The following DAB1 variants were observed in gnomAD, a reference collection of about 807,000 sequenced individuals.
DAB1 encodes the protein DAB adaptor protein 1.
In DAB1, 15 loss-of-function variants were observed where a neutral mutation model predicts 64.6. The ratio of observed to expected loss-of-function variants is 0.23; its 90% CI spans 0.16 to 0.36. The LOEUF (loss-of-function observed/expected upper bound fraction) is 0.36. Among genes scored for constraint, DAB1 ranks in the 10% least tolerant of loss-of-function variants. DAB1 has a pLI of 1.00. For synonymous variants in DAB1, 235 were observed against 251.9 expected, an observed-to-expected ratio of 0.93 and a Z score of 0.64; for missense variants, 596 against 706.7, an observed-to-expected ratio of 0.84 and a Z score of 1.78.
At chr1:58,246,552 A>G (rs1660541802) in intron 4 of DAB1, among the ~76,000 whole-genome samples, 1 of 152,210 alleles carries the variant, frequency 6.6e-6, no homozygotes, top group East Asian at 1.9e-4. Flanking sequence ...TATGTATTTC[A>G]TATGTGGTAT....
intron 3 of DAB1, among the ~76,000 whole-genome samples, chr1:58,368,228 T>C (rs932859698): frequency 6.6e-6 from 1 of 152,150 alleles, no homozygotes; most frequent in East Asian, 1.9e-4. Context: ...AGCTACATAT[T>C]AGGGGCTGGA....
chr1:58,056,442 C>A (rs760312532), intron 5 of DAB1: 1 of 1,529,734 alleles, frequency 6.5e-7, no homozygotes, highest in East Asian at 2.2e-5. Context: ...GGCCGCGGCC[C>A]TTTTTGGCAC....
intron 14 of DAB1, among the ~76,000 whole-genome samples, chr1:57,003,184 C>T (rs931297610): frequency 5.9e-5 from 9 of 152,216 alleles, no homozygotes; most frequent in African/African-American, 2.2e-4. Flanking sequence ...CTGCAGGGCC[C>T]TGTGGATAAC....
In DAB1 at chr1:58,366,768, A is replaced by G. The variant is rs1237968298; in HGVS notation, n.258-23365T>C. Among the ~76,000 whole-genome samples the G allele has an allele frequency of 2.0e-5, 3 of 152,206 alleles. No individual in the cohort carries two copies. In the East Asian group the frequency reaches 5.8e-4, roughly 29 times the overall value. On this transcript the variant is annotated intron_variant and non_coding_transcript_variant, in intron 3 of 20. Transcript: ENST00000485760. ...TCCTTTGCACTTCTTGTGTCCAGGG[A>G]CCAGCAGGCAAGACGTGGAGTCACT... is the stretch of plus-strand genomic sequence containing the variant.
chr1:58,424,385 G>A (rs1481777077), intron 3 of DAB1, among the ~76,000 whole-genome samples: 4 of 152,076 alleles, frequency 2.6e-5, no homozygotes, highest in African/African-American at 9.7e-5. Context: ...AACACAACCA[G>A]TTATCTGGGC....
intron 5 of DAB1, among the ~76,000 whole-genome samples, chr1:57,928,326 A>G (rs1301683117): frequency 2.0e-5 from 3 of 152,032 alleles, no homozygotes; most frequent in African/African-American, 7.2e-5. Flanking sequence ...TCACAATAAA[A>G]TTCAGAGGAA....
chr1:58,269,052 T>C (rs982242867), intron 4 of DAB1, among the ~76,000 whole-genome samples: 9 of 151,792 alleles, frequency 5.9e-5, no homozygotes, highest in Admixed American at 2.6e-4. Flanking sequence ...TTAGGGTACA[T>C]GTGCACATTG....
chr1:58,116,057 T>C (rs1347564649), intron 5 of DAB1, among the ~76,000 whole-genome samples: 3 of 151,926 alleles, frequency 2.0e-5, no homozygotes, highest in Non-Finnish European at 2.9e-5. Flanking sequence ...AATAAATAAA[T>C]TACTCAGTTT....
chr1:58,379,967 T>C (rs1047276197), intron 3 of DAB1, among the ~76,000 whole-genome samples: 5 of 152,154 alleles, frequency 3.3e-5, no homozygotes, highest in Non-Finnish European at 7.4e-5. Context: ...TATGTACCTA[T>C]GTTTGGTCTA....
chr1:58,522,854 T>C (rs892082440), intron 2 of DAB1, among the ~76,000 whole-genome samples: 2 of 152,202 alleles, frequency 1.3e-5, no homozygotes, highest in African/African-American at 4.8e-5. Flanking sequence ...TGGATCATCA[T>C]AAATGTCTCC....
At chr1:57,295,268 G>A (rs1673099578) in intron 1 of DAB1, among the ~76,000 whole-genome samples, 1 of 152,132 alleles carries the variant, frequency 6.6e-6, no homozygotes, top group Admixed American at 6.6e-5. Context: ...CCTGATATGA[G>A]CCTTGTGTGA....
In DAB1 at chr1:58,465,829, G is replaced by A. The variant is rs1645290919; in HGVS notation, n.257+40231C>T. The stretch of plus-strand genomic sequence containing the variant: ...CACTTACCCACGAGGAAACTGGGGG[G>A]TTCAGTGCCTTGCCTGCAGTACCCA... On this transcript the variant is annotated intron_variant and non_coding_transcript_variant, in intron 3 of 20. Coordinates refer to the DAB1 transcript ENST00000485760. Among the ~76,000 whole-genome samples the A allele has an allele frequency of 2.6e-5, 4 of 152,192 alleles. No homozygotes were observed. In the South Asian group the frequency reaches 8.3e-4, roughly 31 times the overall value.
intron 5 of DAB1, among the ~76,000 whole-genome samples, chr1:57,951,258 G>T (rs12752396): frequency 0.36 from 49,143 of 135,712 alleles, 10,549 homozygotes; most frequent in Non-Finnish European, 0.47. Context: ...ATTGGGGGGT[G>T]AGGGGGGTAG....
In DAB1 at chr1:58,048,172, T is replaced by C. The variant is rs553903456; in HGVS notation, n.387+102339A>G. ...TTCTCTCCTGCTAAGCTTTGTTTCCTAATTAAAATCTTCTGCCACTGCCAC... is the reference window on the plus strand; with the variant it reads ...TTCTCTCCTGCTAAGCTTTGTTTCCCAATTAAAATCTTCTGCCACTGCCAC... On this transcript the variant is annotated intron_variant and non_coding_transcript_variant, in intron 5 of 20. Coordinates refer to the DAB1 transcript ENST00000485760. The C allele has an allele frequency of 3.5e-4, 451 of 1,305,850 alleles. 1 individual carries two copies. Among genetic ancestry groups the C allele is most frequent in the Non-Finnish European group, 4.2e-4 (384 of 915,230 alleles). The allele number at this position is 1,305,850 out of a possible 1,614,324, so 80.9% of individuals were successfully genotyped here. A position where few individuals can be genotyped will look rare whatever the true frequency, so the allele number is the denominator to read the frequency against.
intron 4 of DAB1, among the ~76,000 whole-genome samples, chr1:58,218,141 C>T (rs1292140557): frequency 6.6e-6 from 1 of 151,998 alleles, no homozygotes; most frequent in Non-Finnish European, 1.5e-5. Context: ...GGTCTCCAGT[C>T]CAGTAGGGGG....
At chr1:58,014,209 T>C (rs958065060) in intron 5 of DAB1, among the ~76,000 whole-genome samples, 25 of 152,314 alleles carry the variant, frequency 1.6e-4, no homozygotes, top group African/African-American at 6.0e-4. Flanking sequence ...TCTGACTCAA[T>C]GTTCATATTA....
At chr1:57,357,928 A>C (rs1679251550) in intron 1 of DAB1, among the ~76,000 whole-genome samples, 2 of 152,024 alleles carry the variant, frequency 1.3e-5, no homozygotes, top group South Asian at 4.1e-4. Context: ...ATTCAAGATA[A>C]GATTTGGGTG....
intron 4 of DAB1, among the ~76,000 whole-genome samples, chr1:58,192,082 C>T (rs1657417441): frequency 6.6e-6 from 1 of 152,100 alleles, no homozygotes; most frequent in African/African-American, 2.4e-5. Flanking sequence ...GCTAGGAAGC[C>T]AAGGAGCTAA....
chr1:57,332,559 C>T (rs1043669022), intron 1 of DAB1, among the ~76,000 whole-genome samples: 1 of 152,188 alleles, frequency 6.6e-6, no homozygotes, highest in Non-Finnish European at 1.5e-5. Flanking sequence ...TCAGAAACCC[C>T]AAGGTTCAGC....
Sources: allele counts gnomAD v4.1 joint callset (sites outside exome capture counted in the v4.1 genomes callset), GRCh38; gene constraint gnomAD v4.1.1; transcripts MANE v1.5; gene names NCBI Gene and HGNC (gene_info 2026-07-23, HGNC 2026-07-21).